The following SMYD3 variants were observed in gnomAD, a reference collection of about 807,000 sequenced individuals.
The protein encoded by SMYD3 is SET and MYND domain containing 3.
In SMYD3, 36 loss-of-function variants were observed where a neutral mutation model predicts 57.7. That is an observed-to-expected ratio of 0.62 (90% CI 0.48 to 0.82). SMYD3 has a LOEUF of 0.82. Ranked by LOEUF, SMYD3 falls within the 40% of genes least tolerant of loss-of-function variation. SMYD3 has a pLI of 0.00. For missense variants in SMYD3, 515 were observed against 538.8 expected, an observed-to-expected ratio of 0.96 and a Z score of 0.44; for synonymous variants, 211 against 195.0, an observed-to-expected ratio of 1.08 and a Z score of -0.68.
intron 1 of SMYD3, among the ~76,000 whole-genome samples, chr1:246,481,803 C>T (rs1435410454): frequency 6.7e-6 from 1 of 149,266 alleles, no homozygotes; most frequent in African/African-American, 2.5e-5. Flanking sequence ...AGAGATCGAT[C>T]GATCGATCAA....
At chr1:245,945,794 C>T (rs1050023337) in intron 5 of SMYD3, among the ~76,000 whole-genome samples, 3 of 152,222 alleles carry the variant, frequency 2.0e-5, no homozygotes, top group South Asian at 2.1e-4. Flanking sequence ...AAAAGGAACA[C>T]GATCATGTTC....
intron 5 of SMYD3, among the ~76,000 whole-genome samples, chr1:245,950,630 G>A (rs1351502009): frequency 1.3e-5 from 2 of 152,084 alleles, no homozygotes; most frequent in African/African-American, 2.4e-5. Flanking sequence ...CGAGTCGGTC[G>A]TCATAGAATA....
chr1:245,826,018 C>CTTTCTTTTTTTTTTTTTTT (rs1392716265), intron 10 of SMYD3, among the ~76,000 whole-genome samples: 33 of 103,076 alleles, frequency 3.2e-4, no homozygotes, highest in Middle Eastern at 4.6e-3. Context: ...CATCTGCTTT[C>CTTTCTTTTTTTTTTTTTTT]TATGTTGTAT....
Position 246,002,474 on chromosome 1 carries a change from A to G in SMYD3, c.532-72537T>C, listed in dbSNP as rs375027287. Among the ~76,000 whole-genome samples, 78 of 44,330 alleles carry G rather than the reference A, an allele frequency of 1.8e-3. 9 individuals carry two copies. The highest frequency in any genetic ancestry group is 6.8e-3 in the South Asian group (6 of 882). 29.1% of individuals were successfully genotyped at this position (44,330 alleles called of 152,430 possible). A position where few individuals can be genotyped will look rare whatever the true frequency, so the allele number is the denominator to read the frequency against. ...GCTGGGATTACAGGCGCCCGCCACCACGCCCGGCTAATTTTTTGTATTTTT... is the reference window on the plus strand; with the variant it reads ...GCTGGGATTACAGGCGCCCGCCACCGCGCCCGGCTAATTTTTTGTATTTTT... On this transcript the variant is annotated intron_variant, in intron 5 of 11. Coordinates refer to ENST00000490107, the MANE Select transcript of SMYD3 (RefSeq NM_001167740.2).
At chr1:246,256,464 G>A (rs1780793) in intron 5 of SMYD3, among the ~76,000 whole-genome samples, 40,548 of 151,966 alleles carry the variant, frequency 0.27, 6,099 homozygotes, top group East Asian at 0.58. Context: ...TCTAGTTTGT[G>A]TGCATAGAGG....
chr1:245,984,895 A>T (rs1418004338), intron 5 of SMYD3, among the ~76,000 whole-genome samples: 1 of 152,046 alleles, frequency 6.6e-6, no homozygotes, highest in Non-Finnish European at 1.5e-5. Context: ...TCCATACACC[A>T]CTTCCATCCG....
Position 246,236,287 on chromosome 1 carries a change from G to A in SMYD3, c.531+90914C>T, listed in dbSNP as rs1169711294. ...ACAATGTTGCCGAGGCTGGCATGCC[G>A]TGGCGCAATAATAGCTCACTGCAGC... On this transcript the variant is annotated intron_variant, in intron 5 of 11. Transcript: ENST00000490107. Among the ~76,000 whole-genome samples the A allele has an allele frequency of 7.9e-5, 12 of 152,272 alleles. No homozygotes were observed. The East Asian group carries it at 9.6e-4, about 12-fold the overall frequency.
intron 5 of SMYD3, among the ~76,000 whole-genome samples, chr1:246,201,605 G>A (rs1261002000): frequency 6.6e-6 from 1 of 152,194 alleles, no homozygotes; most frequent in African/African-American, 2.4e-5. Context: ...CAGAAATGAA[G>A]TGTTTATGAA....
chr1:245,792,993 C>G (rs747959888), intron 10 of SMYD3, among the ~76,000 whole-genome samples: 34 of 152,168 alleles, frequency 2.2e-4, no homozygotes, highest in Non-Finnish European at 3.7e-4. Context: ...CCTCCTGCCC[C>G]TTACTGCATT....
chr1:246,080,901 G>A (rs951790022), intron 5 of SMYD3, among the ~76,000 whole-genome samples: 3 of 152,154 alleles, frequency 2.0e-5, no homozygotes, highest in South Asian at 2.1e-4. Flanking sequence ...AAGAATGGAC[G>A]AAAGAATCAA....
At chr1:246,334,815 A>G (rs1249489461) in intron 3 of SMYD3, among the ~76,000 whole-genome samples, 3 of 152,238 alleles carry the variant, frequency 2.0e-5, no homozygotes, top group Non-Finnish European at 4.4e-5. Context: ...TCATGATAAA[A>G]CTTGAAAAGA....
intron 5 of SMYD3, among the ~76,000 whole-genome samples, chr1:246,295,624 T>G (rs144338391): frequency 1.3e-5 from 2 of 152,288 alleles, no homozygotes; most frequent in East Asian, 3.9e-4. Context: ...AGCCAAGGAA[T>G]TTAATAAAAG....
intron 1 of SMYD3, among the ~76,000 whole-genome samples, chr1:246,406,404 A>G (rs1421671776): frequency 7.2e-5 from 11 of 152,168 alleles, no homozygotes; most frequent in Admixed American, 7.2e-4. Flanking sequence ...GAATTTTTGA[A>G]TTTTGCCCAT....
At chr1:246,245,638 G>C (rs1409575685) in intron 5 of SMYD3, among the ~76,000 whole-genome samples, 1 of 151,952 alleles carries the variant, frequency 6.6e-6, no homozygotes, top group Non-Finnish European at 1.5e-5. Context: ...TTTTATCTAA[G>C]AAATTAAAAT....
At chr1:246,345,300 T>G (rs1383051999) in intron 2 of SMYD3, among the ~76,000 whole-genome samples, 1 of 152,232 alleles carries the variant, frequency 6.6e-6, no homozygotes, top group Non-Finnish European at 1.5e-5. Flanking sequence ...AGCACAATTT[T>G]TTGAAAAGAT....
chr1:245,998,591 G>A (rs561947787), intron 5 of SMYD3, among the ~76,000 whole-genome samples: 1 of 152,296 alleles, frequency 6.6e-6, no homozygotes, highest in South Asian at 2.1e-4. Context: ...TGCAGCTGCT[G>A]TGGAAAGCAG....
In SMYD3 at chr1:246,154,977, T is replaced by C. The variant is rs148781751; in HGVS notation, c.531+172224A>G. Among the ~76,000 whole-genome samples, 956 of 152,120 alleles carry C rather than the reference T, an allele frequency of 6.3e-3. 8 individuals carry two copies. The highest frequency in any genetic ancestry group is 0.022 in the African/African-American group (903 of 41,504). ...TTTGTATTTTTAGTAGAGACAGGGTTTCACCGTGTTAGCCAGGATGGTCTC... is the reference window on the plus strand; with the variant it reads ...TTTGTATTTTTAGTAGAGACAGGGTCTCACCGTGTTAGCCAGGATGGTCTC... On this transcript the variant is annotated intron_variant, in intron 5 of 11. Coordinates refer to ENST00000490107, the MANE Select transcript of SMYD3 (RefSeq NM_001167740.2).
chr1:246,262,425 C>T (rs2064029224), intron 5 of SMYD3, among the ~76,000 whole-genome samples: 1 of 152,146 alleles, frequency 6.6e-6, no homozygotes, highest in African/African-American at 2.4e-5. Flanking sequence ...GGACATATTC[C>T]CATATCTTAA....
intron 5 of SMYD3, among the ~76,000 whole-genome samples, chr1:246,257,308 T>G (rs1198504215): frequency 6.6e-6 from 1 of 152,228 alleles, no homozygotes; most frequent in Non-Finnish European, 1.5e-5. Context: ...TCCTAGGTCT[T>G]GTTTTATCAA....
Sources: allele counts gnomAD v4.1 joint callset (sites outside exome capture counted in the v4.1 genomes callset), GRCh38; gene constraint gnomAD v4.1.1; transcripts MANE v1.5; gene names NCBI Gene and HGNC (gene_info 2026-07-23, HGNC 2026-07-21).